Variants in MYT1L observed in about 807,000 individuals in gnomAD.
MYT1L encodes myelin transcription factor 1-like protein.
In MYT1L, 12 loss-of-function variants were observed where a neutral mutation model predicts 126.7. The ratio of observed to expected loss-of-function variants is 0.09; its 90% CI spans 0.06 to 0.15. The LOEUF (loss-of-function observed/expected upper bound fraction) is 0.15, where lower values mean the gene tolerates loss of function less well. Among genes scored for constraint, MYT1L ranks in the 10% least tolerant of loss-of-function variants. MYT1L has a pLI of 1.00. For missense variants in MYT1L, 979 were observed against 1,585.2 expected (o/e 0.62, Z 6.49); for synonymous variants, 541 against 604.2 (o/e 0.90, Z 1.53).
chr2:2,085,714 G>T (rs1176833467), intron 3 of MYT1L, among the ~76,000 whole-genome samples: 1 of 152,152 alleles, frequency 6.6e-6, no homozygotes, highest in Non-Finnish European at 1.5e-5. Flanking sequence ...AATTGAATTT[G>T]ATCCACACAG....
chr2:1,813,883 C>A (rs1287459916), intron 21 of MYT1L, among the ~76,000 whole-genome samples: 1 of 107,270 alleles, frequency 9.3e-6, no homozygotes, highest in Non-Finnish European at 2.0e-5. Flanking sequence ...AAAAATTAGC[C>A]GGGCGTGGTA....
chr2:2,239,647 CA>C (rs1485140139), intron 2 of MYT1L, among the ~76,000 whole-genome samples: 3 of 152,202 alleles, frequency 2.0e-5, no homozygotes, highest in Non-Finnish European at 4.4e-5. Context: ...TATCCATTTC[CA>C]AAACCTGCTC....
At chr2:1,830,429 T>C (rs1006459980) in intron 21 of MYT1L, among the ~76,000 whole-genome samples, 2 of 151,766 alleles carry the variant, frequency 1.3e-5, no homozygotes, top group African/African-American at 2.4e-5. Context: ...TCCACTGACA[T>C]TGTCTGGAAG....
chr2:2,135,771 G>A (rs2082966358), intron 3 of MYT1L, among the ~76,000 whole-genome samples: 1 of 152,170 alleles, frequency 6.6e-6, no homozygotes, highest in African/African-American at 2.4e-5. Context: ...CAAAGGGCCA[G>A]AGAATGTGCT....
chr2:2,301,251 T>C (rs537904627), intron 1 of MYT1L, among the ~76,000 whole-genome samples: 2 of 152,306 alleles, frequency 1.3e-5, no homozygotes, highest in South Asian at 4.1e-4. Flanking sequence ...CCTGCCTCTG[T>C]CTCTGTCTTT....
intron 3 of MYT1L, among the ~76,000 whole-genome samples, chr2:2,150,247 G>A (rs905912525): frequency 1.3e-5 from 2 of 152,142 alleles, no homozygotes; most frequent in Non-Finnish European, 2.9e-5. Flanking sequence ...AACTTGCTCT[G>A]GGACTTGCTT....
At chr2:1,816,461 G>GC (rs772185707) in intron 21 of MYT1L, 6 of 152,646 alleles carry the variant, frequency 3.9e-5, no homozygotes, top group Non-Finnish European at 2.9e-5. Flanking sequence ...AGCCGCTCAA[G>GC]CCCCCCCACG....
chr2:2,314,599 T>G (rs892787882), intron 1 of MYT1L, among the ~76,000 whole-genome samples: 2 of 152,232 alleles, frequency 1.3e-5, no homozygotes, highest in African/African-American at 4.8e-5. Flanking sequence ...GTGCAGGATG[T>G]GCAGATTTGT....
intron 2 of MYT1L, among the ~76,000 whole-genome samples, chr2:2,221,438 C>T (rs13414323): frequency 0.037 from 5,644 of 152,160 alleles, 253 homozygotes; most frequent in East Asian, 0.2. Context: ...GCATCTGAGG[C>T]CCCAGTTTGG....
rs1309469788 is a variant in MYT1L, at chr2:1,848,240, T to C, written c.2774+3401A>G. 6.6e-6 allele frequency among the ~76,000 whole-genome samples: 1 copy of C among 152,128 alleles called. No homozygotes were observed. Among genetic ancestry groups the C allele is most frequent in the Non-Finnish European group, 1.5e-5 (1 of 68,036 alleles). On this transcript the variant is annotated intron_variant, in intron 19 of 24. Coordinates refer to ENST00000647738, the MANE Select transcript of MYT1L (RefSeq NM_001303052.2). The surrounding 1 kb of genome is among the most constrained non-coding windows in gnomAD (Gnocchi z 4.8). ...TGCAACTGCAGACAGAATTGGAGTG[T>C]GTGCCTTTGTCCTGGGAGCAGGAGG...
At chr2:2,153,095 C>G (rs925097295) in intron 3 of MYT1L, among the ~76,000 whole-genome samples, 2 of 152,020 alleles carry the variant, frequency 1.3e-5, no homozygotes, top group East Asian at 3.9e-4. Context: ...GCCAGGTGTT[C>G]AGGACCAGCC....
At chr2:1,796,822 G>GGT (rs1454870322) in intron 23 of MYT1L, among the ~76,000 whole-genome samples, 6 of 152,090 alleles carry the variant, frequency 3.9e-5, no homozygotes, top group Non-Finnish European at 7.3e-5. Context: ...AGGCCCCCAC[G>GGT]GTGGGGTCTC....
chr2:2,096,455 G>C (rs1329158000), intron 3 of MYT1L, among the ~76,000 whole-genome samples: 1 of 152,180 alleles, frequency 6.6e-6, no homozygotes, highest in Non-Finnish European at 1.5e-5. Context: ...GGTTGTTCAG[G>C]TTCCTAGACA....
intron 2 of MYT1L, among the ~76,000 whole-genome samples, chr2:2,183,917 A>T (rs1426165523): frequency 6.9e-5 from 10 of 145,532 alleles, no homozygotes; most frequent in Admixed American, 6.8e-4. Flanking sequence ...GGAAGGAAGG[A>T]GAGAGAGGAA....
intron 3 of MYT1L, among the ~76,000 whole-genome samples, chr2:2,086,410 T>C (rs1214271187): frequency 1.3e-5 from 2 of 152,224 alleles, no homozygotes; most frequent in East Asian, 1.9e-4. Context: ...ATAGTAGTTA[T>C]GGAAGGCGGT....
At chr2:2,043,023 A>G (rs2067730879) in intron 4 of MYT1L, among the ~76,000 whole-genome samples, 1 of 151,996 alleles carries the variant, frequency 6.6e-6, no homozygotes, top group Non-Finnish European at 1.5e-5. Flanking sequence ...TTTCCCTAAA[A>G]CTTGTCAGCT....
In MYT1L at chr2:1,822,491, G is replaced by C. The variant is rs180746635; in HGVS notation, c.3081-13324C>G. ...TCCACTGTCAGCCCCTCTTCCCCAG[G>C]GATGCTCCTGCGTGCTCAGCAGGCA... On this transcript the variant is annotated intron_variant, in intron 21 of 24. Transcript: ENST00000647738. 1.4e-4 allele frequency among the ~76,000 whole-genome samples: 21 copies of C among 152,314 alleles called. No homozygotes were observed. The East Asian group carries it at 4.1e-3, about 29-fold the overall frequency.
In MYT1L at chr2:2,029,079, G is replaced by A. The variant is rs116393971; in HGVS notation, c.-158+24899C>T. On this transcript the variant is annotated intron_variant, in intron 4 of 24. Coordinates refer to ENST00000647738, the MANE Select transcript of MYT1L (RefSeq NM_001303052.2). ...GAACTTTTTAAAAAGCTTCAGTTTAGCATCTTGGTATTAACAACTCAGAAT... is the reference window on the plus strand; with the variant it reads ...GAACTTTTTAAAAAGCTTCAGTTTAACATCTTGGTATTAACAACTCAGAAT... Among the ~76,000 whole-genome samples the A allele has an allele frequency of 2.9e-3, 436 of 152,244 alleles. 2 individuals are homozygous for A. The highest frequency in any genetic ancestry group is 9.9e-3 in the African/African-American group (410 of 41,538).
At chr2:2,235,271 G>A (rs558812492) in intron 2 of MYT1L, among the ~76,000 whole-genome samples, 6 of 151,808 alleles carry the variant, frequency 4.0e-5, no homozygotes, top group Non-Finnish European at 5.9e-5. Flanking sequence ...GCTGGTTAGC[G>A]TCTTCCTCAG....
Sources: allele counts gnomAD v4.1 joint callset (sites outside exome capture counted in the v4.1 genomes callset), GRCh38; gene constraint gnomAD v4.1.1; non-coding constraint Gnocchi (gnomAD v3.1); transcripts MANE v1.5; gene names NCBI Gene and HGNC (gene_info 2026-07-23, HGNC 2026-07-21).